The following ZFP62 variants were observed in gnomAD, a reference collection of about 807,000 sequenced individuals.
ZFP62 encodes the protein ZFP62 zinc finger protein, also known as zinc finger protein 62 homolog.
Under a neutral mutation model 56.4 loss-of-function variants are expected in ZFP62, and 44 were observed. The ratio of observed to expected loss-of-function variants is 0.78; its 90% CI spans 0.61 to 1.00. The LOEUF is 1.00. Ranked by LOEUF, ZFP62 falls within the 50% of genes least tolerant of loss-of-function variation. The probability of loss-of-function intolerance (pLI) is 0.00; values close to 1 mark genes in which losing one functional copy is unlikely to be tolerated. For missense variants in ZFP62, 1,030 were observed against 1,085.7 expected (o/e 0.95, Z 0.72); for synonymous variants, 421 against 388.9 (o/e 1.08, Z -0.97).
At chr5:180,856,385 G>C (rs1357508083) in intron 1 of ZFP62, among the ~76,000 whole-genome samples, 1 of 152,178 alleles carries the variant, frequency 6.6e-6, no homozygotes, top group Non-Finnish European at 1.5e-5. Flanking sequence ...GACAGCACTA[G>C]AGTAAATGCT....
rs1773472939 is a variant in ZFP62 at position 180,847,962 on chromosome 5, T to G, written c.*830A>C. 1.0e-6 allele frequency: 1 copy of G among 985,468 alleles called. No homozygotes were observed. The highest frequency in any genetic ancestry group is 1.2e-6 in the Non-Finnish European group (1 of 829,918). 61.0% of individuals were successfully genotyped at this position (985,468 alleles called of 1,614,324 possible). A position where few individuals can be genotyped will look rare whatever the true frequency, so the allele number is the denominator to read the frequency against. On this transcript the variant is annotated 3_prime_UTR_variant, in exon 2 of 2. Transcript: ENST00000502412. ...CATGTTGACGGTGTGTTCCATTAGT[T>G]ACTGAATGTGTCAAAATCCTCTCCA...
At chr5:180,845,716 G>C, downstream of ZFP62, 1 of 985,410 alleles carries the variant, frequency 1.0e-6, no homozygotes, top group Non-Finnish European at 1.2e-6. Flanking sequence ...TCAAGGTCTT[G>C]ATGCAGACAG....
At chr5:180,846,080 G>C (rs1773405523), downstream of ZFP62, among the ~76,000 whole-genome samples, 1 of 152,110 alleles carries the variant, frequency 6.6e-6, no homozygotes, top group South Asian at 2.1e-4. Flanking sequence ...CCTAAACCAT[G>C]TTCCATCCCT....
At chr5:180,829,743 T>C in the ZFP62 span, among the ~76,000 whole-genome samples, 1 of 152,254 alleles carries the variant, frequency 6.6e-6, no homozygotes, top group East Asian at 1.9e-4. Flanking sequence ...TGACGTGACT[T>C]AGCCAAAAGC....
Position 180,849,144 on chromosome 5 carries a change from G to T in ZFP62, c.2351C>A (p.Pro784His). ...VHKRIHTGEKPYECDECGKAY... is the reference protein window; with the variant it reads ...VHKRIHTGEKHYECDECGKAY... ...CTTCCCACACTCATCACATTCATAG[G>T]GTTTCTCACCTGTGTGGATCCTTTT... Residue 784 changes from proline to histidine, a missense_variant, in exon 2 of 2, where the codon CCC (proline) becomes CAC (histidine). Pro to His is a moderately conservative substitution (Grantham distance 77). Coordinates refer to ENST00000502412, the MANE Select transcript of ZFP62 (RefSeq NM_001172638.2). 1 of 1,563,190 alleles carries T rather than the reference G, an allele frequency of 6.4e-7. No homozygotes were observed. Among genetic ancestry groups the T allele is most frequent in the Non-Finnish European group, 8.7e-7 (1 of 1,153,930 alleles).
chr5:180,830,755 G>A, the ZFP62 span: 3 of 152,420 alleles, frequency 2.0e-5, no homozygotes, highest in African/African-American at 7.2e-5. Flanking sequence ...AGCAGTAACA[G>A]CAGGTCTCCT....
the ZFP62 span, chr5:180,830,169 G>C: frequency 1.3e-5 from 2 of 152,204 alleles, no homozygotes; most frequent in African/African-American, 4.8e-5. Context: ...AAGAATTATC[G>C]TGGAACAGCT....
At chr5:180,845,795 C>A (rs929518137), downstream of ZFP62, 23 of 985,442 alleles carry the variant, frequency 2.3e-5, no homozygotes, top group African/African-American at 3.8e-4. Context: ...GTGATCCTCT[C>A]ATTTCTGAAT....
chr5:180,848,608 C>T lies in ZFP62; in HGVS notation c.*184G>A, dbSNP rs1455084031. ...TGTTTTATATCCTGTAAGAGCTGAA[C>T]TACCTTGACACTGGAGCCTTTCTTG... On this transcript the variant is annotated 3_prime_UTR_variant, in exon 2 of 2. Coordinates refer to ENST00000502412, the MANE Select transcript of ZFP62 (RefSeq NM_001172638.2). 7.4e-7 allele frequency: 1 copy of T among 1,348,748 alleles called. No individual in the cohort carries two copies. The highest frequency in any genetic ancestry group is 3.2e-5 in the Admixed American group (1 of 31,200). The allele number at this position is 1,348,748 out of a possible 1,614,324, so 83.5% of individuals were successfully genotyped here.
At position 180,848,265 on chromosome 5, in the gene ZFP62, T is replaced by C; in HGVS notation, c.*527A>G. 1.0e-6 allele frequency: 1 copy of C among 985,512 alleles called. No individual in the cohort carries two copies. Among genetic ancestry groups the C allele is most frequent in the Non-Finnish European group, 1.2e-6 (1 of 830,008 alleles). 61.0% of individuals were successfully genotyped at this position (985,512 alleles called of 1,614,324 possible). ...TCATCACTGCCCCCTCCCAAACCAA[T>C]TACATCAAGTTTATACTTAAAGACC... On this transcript the variant is annotated 3_prime_UTR_variant, in exon 2 of 2. Coordinates refer to ENST00000502412, the MANE Select transcript of ZFP62 (RefSeq NM_001172638.2).
At chr5:180,860,612 C>T (rs1404449270) in intron 1 of ZFP62, 4 of 149,946 alleles carry the variant, frequency 2.7e-5, no homozygotes, top group African/African-American at 9.8e-5. Flanking sequence ...GTGCGCTTCC[C>T]CAGATGAGGG....
chr5:180,830,312 C>G, the ZFP62 span: 4 of 152,316 alleles, frequency 2.6e-5, no homozygotes, highest in Non-Finnish European at 5.9e-5. Context: ...CTTCTGGCCA[C>G]TGGTATGTGA....
the ZFP62 span, among the ~76,000 whole-genome samples, chr5:180,836,687 T>C: frequency 2.1e-4 from 32 of 152,272 alleles, 1 homozygote; most frequent in Middle Eastern, 0.017. Flanking sequence ...GCGAAACCAG[T>C]CTTGTCGTGA....
chr5:180,840,045 A>T, the ZFP62 span, among the ~76,000 whole-genome samples: 1 of 149,780 alleles, frequency 6.7e-6, no homozygotes, highest in Non-Finnish European at 1.5e-5. Context: ...GCCTAAAGAA[A>T]GAATGTCAGG....
At chr5:180,835,257 G>A in the ZFP62 span, 1 of 152,234 alleles carries the variant, frequency 6.6e-6, no homozygotes, top group Non-Finnish European at 1.5e-5. Context: ...GTGGAAGAAG[G>A]GTGAATTCTC....
the ZFP62 span, chr5:180,834,323 G>A: frequency 6.6e-6 from 1 of 152,216 alleles, no homozygotes; most frequent in Non-Finnish European, 1.5e-5. Context: ...CTGGAGTATA[G>A]TGGCATGATC....
chr5:180,837,883 G>A, the ZFP62 span, among the ~76,000 whole-genome samples: 7 of 152,188 alleles, frequency 4.6e-5, no homozygotes, highest in East Asian at 1.2e-3. Context: ...GCCCTCCTCC[G>A]AGCCTCCTGT....
chr5:180,850,920 G>C lies in ZFP62; in HGVS notation c.575C>G (p.Thr192Ser), dbSNP rs1002258365. ...CTCACACTTGTACGGCTTCTCCCCAGTGTGGATCCGTTTGTGGACCCGAAG... is the reference window on the plus strand; with the variant it reads ...CTCACACTTGTACGGCTTCTCCCCACTGTGGATCCGTTTGTGGACCCGAAG... ...SSLRVHKRIH[T>S]GEKPYKCEEC... The change falls in exon 2 of 2, where the codon ACT becomes AGT. Residue 192 changes from threonine (T) to serine (S), a missense_variant. By Grantham distance (58) the Thr-to-Ser change is moderately conservative (BLOSUM62 1). Transcript: ENST00000502412. 1 of 1,563,336 alleles carries C rather than the reference G, an allele frequency of 6.4e-7. No individual in the cohort carries two copies. The highest frequency in any genetic ancestry group is 1.2e-5 in the South Asian group (1 of 84,942).
downstream of ZFP62, among the ~76,000 whole-genome samples, chr5:180,845,358 A>G (rs1301358296): frequency 8.1e-6 from 1 of 123,124 alleles, no homozygotes; most frequent in East Asian, 2.1e-4. Context: ...AAAAAAAAAA[A>G]AAAAGACACG....
Sources: gnomAD v4.1 joint callset for allele counts (sites outside exome capture counted in the v4.1 genomes callset) on GRCh38, gnomAD v4.1.1 for gene constraint, MANE v1.5 for transcripts, NCBI Gene and HGNC (gene_info 2026-07-23, HGNC 2026-07-21) for gene names.